SGK1: variants seen among roughly 807,000 people sequenced by gnomAD.
SGK1 encodes the protein serum/glucocorticoid regulated kinase 1, also known as serine/threonine-protein kinase Sgk1.
Under a neutral mutation model 64.2 loss-of-function variants are expected in SGK1, and 26 were observed. The ratio of observed to expected loss-of-function variants is 0.40; its 90% confidence interval spans 0.30 to 0.56. SGK1 has a LOEUF of 0.56. Ranked by LOEUF, SGK1 falls within the 20% of genes least tolerant of loss-of-function variation. SGK1 has a pLI of 0.38. For synonymous variants in SGK1, 265 were observed against 239.7 expected, an observed-to-expected ratio of 1.11 and a Z score of -0.98; for missense variants, 519 against 645.6, an observed-to-expected ratio of 0.80 and a Z score of 2.12.
intron 3 of SGK1, among the ~76,000 whole-genome samples, chr6:134,180,606 C>G (rs967881147): frequency 1.3e-5 from 2 of 152,050 alleles, no homozygotes; most frequent in Admixed American, 6.6e-5. Context: ...GGTGCAGGGG[C>G]TCACACCTCT....
At chr6:134,186,893 T>C (rs949809045) in intron 3 of SGK1, among the ~76,000 whole-genome samples, 1 of 151,724 alleles carries the variant, frequency 6.6e-6, no homozygotes, top group Non-Finnish European at 1.5e-5. Flanking sequence ...CTCGGCTTGC[T>C]GCAACCTCTG....
At position 134,203,335 on chromosome 6, in the gene SGK1, G is replaced by A. The variant is rs567707674; in HGVS notation, c.361+4021C>T. On this transcript the variant is annotated intron_variant, in intron 3 of 13. Coordinates refer to ENST00000367858, the MANE Select transcript of SGK1 (RefSeq NM_001143676.3). ...AAGAGGATAACTAGAAAGTCAACAGGTAAATTAATATTAAATTCTAAAACC... is the reference window on the plus strand; with the variant it reads ...AAGAGGATAACTAGAAAGTCAACAGATAAATTAATATTAAATTCTAAAACC... Among the ~76,000 whole-genome samples, 3 of 152,274 alleles carry A rather than the reference G, an allele frequency of 2.0e-5. No individual in the cohort carries two copies. The South Asian group carries it at 6.2e-4, about 32-fold the overall frequency.
chr6:134,289,977 C>T (rs559788061), intron 1 of SGK1, among the ~76,000 whole-genome samples: 1 of 151,886 alleles, frequency 6.6e-6, no homozygotes. Context: ...GGTGAAACCC[C>T]ATCTCTACTA....
At chr6:134,213,188 T>C (rs1775919608) in intron 2 of SGK1, among the ~76,000 whole-genome samples, 1 of 152,146 alleles carries the variant, frequency 6.6e-6, no homozygotes, top group Non-Finnish European at 1.5e-5. Flanking sequence ...ATAACTCCTA[T>C]AGCTTTAGGT....
At chr6:134,220,058 C>CAAAAAAAAAAAAAAAAAAAAAAAAAAAAA (rs55870107) in intron 2 of SGK1, among the ~76,000 whole-genome samples, 1 of 61,380 alleles carries the variant, frequency 1.6e-5, no homozygotes, top group Non-Finnish European at 2.5e-5. Context: ...GACTCCGTCT[C>CAAAAAAAAAAAAAAAAAAAAAAAAAAAAA]AAAAAAAAAA....
Position 134,173,011 on chromosome 6 carries a change from C to G in SGK1, c.834+12G>C, listed in dbSNP as rs1234266535. 6.2e-7 allele frequency: 1 copy of G among 1,603,800 alleles called. No homozygotes were observed. The highest frequency in any genetic ancestry group is 8.5e-7 in the Non-Finnish European group (1 of 1,173,430). On this transcript the variant is annotated intron_variant, in intron 8 of 13. Coordinates refer to ENST00000367858, the MANE Select transcript of SGK1 (RefSeq NM_001143676.3). ...GAGACACTAAGAGTTGACTTCTATC[C>G]CCCCTGCTCACCTCTCCACCATTAA...
chr6:134,315,420 A>G (rs1330310711), intron 1 of SGK1, among the ~76,000 whole-genome samples: 2 of 152,246 alleles, frequency 1.3e-5, no homozygotes, highest in African/African-American at 4.8e-5. Flanking sequence ...ATGTACTCAG[A>G]TAAGACATCA....
chr6:134,306,348 G>T (rs1465683532), intron 1 of SGK1, among the ~76,000 whole-genome samples: 1 of 151,854 alleles, frequency 6.6e-6, no homozygotes, highest in Non-Finnish European at 1.5e-5. Context: ...GCTTGAACCC[G>T]GGAGGCGGAG....
intron 2 of SGK1, 35 bp from the exon 3 acceptor site, chr6:134,207,466 A>T: frequency 6.9e-7 from 1 of 1,450,904 alleles, no homozygotes; most frequent in African/African-American, 1.4e-5. Flanking sequence ...GTGATATAAA[A>T]ATGGCTTCAT....
intron 3 of SGK1, among the ~76,000 whole-genome samples, chr6:134,198,999 C>T (rs1442719283): frequency 6.6e-6 from 1 of 152,158 alleles, no homozygotes; most frequent in Non-Finnish European, 1.5e-5. Flanking sequence ...CATCCTTCTG[C>T]CTCATCTTCC....
rs146848028 is a variant in SGK1 at position 134,237,910 on chromosome 6, G to A, written c.285+24023C>T. ...ATAGGATTTAAATTAGAATAAACTT[G>A]TCCTTGAGAATAATATACTCTAAAT... On this transcript the variant is annotated intron_variant, in intron 2 of 13. Coordinates refer to ENST00000367858, the MANE Select transcript of SGK1 (RefSeq NM_001143676.3). Among the ~76,000 whole-genome samples, 126 of 152,242 alleles carry A rather than the reference G, an allele frequency of 8.3e-4. 2 individuals are homozygous for A. The East Asian group carries it at 0.023, about 28-fold the overall frequency.
chr6:134,178,747 C>A (rs1775287582), intron 3 of SGK1, among the ~76,000 whole-genome samples: 1 of 152,210 alleles, frequency 6.6e-6, no homozygotes, highest in African/African-American at 2.4e-5. Flanking sequence ...CAGGGAATTT[C>A]TCTACAACAC....
At chr6:134,238,538 G>A (rs1776396898) in intron 2 of SGK1, among the ~76,000 whole-genome samples, 1 of 151,682 alleles carries the variant, frequency 6.6e-6, no homozygotes, top group South Asian at 2.1e-4. Flanking sequence ...TTTTTAATTG[G>A]AACTAAAGAA....
intron 1 of SGK1, among the ~76,000 whole-genome samples, chr6:134,315,467 C>A (rs1397062551): frequency 3.9e-5 from 6 of 152,154 alleles, no homozygotes; most frequent in Non-Finnish European, 7.3e-5. Context: ...TCAAGGTCTG[C>A]AGAGTCACCA....
At chr6:134,171,893 C>T (rs1775039419) in intron 10 of SGK1, 161 bp from the exon 11 acceptor site, 1 of 629,726 alleles carries the variant, frequency 1.6e-6, no homozygotes, top group East Asian at 2.7e-5. Flanking sequence ...TTGAGGGTGA[C>T]TGGCTACCTA....
At chr6:134,191,286 CA>C (rs888601149) in intron 3 of SGK1, among the ~76,000 whole-genome samples, 2 of 152,044 alleles carry the variant, frequency 1.3e-5, no homozygotes, top group African/African-American at 2.4e-5. Flanking sequence ...TTACCAAGGG[CA>C]AAAAAATCTT....
rs765461666 is a variant in SGK1 at position 134,207,358 on chromosome 6, G to T, written c.359C>A (p.Pro120Gln). The change falls in exon 3 of 14, where the codon CCA becomes CAA. Residue 120 changes from proline to glutamine, a missense_variant and splice_region_variant. Physicochemically the swap from Pro to Gln is moderately conservative, Grantham distance 76. Coordinates refer to ENST00000367858, the MANE Select transcript of SGK1 (RefSeq NM_001143676.3). ...AGGTTGTATTTTTCCAATAATACCT[G>T]GATCATCATTAGTCCAGAAGGTTCT... ...DPRTFWTNDD[P>Q]AFMKQRRMGL... 2.5e-6 allele frequency: 4 copies of T among 1,600,634 alleles called. No homozygotes were observed. Among genetic ancestry groups the T allele is most frequent in the Non-Finnish European group, 3.4e-6 (4 of 1,168,260 alleles).
intron 1 of SGK1, among the ~76,000 whole-genome samples, chr6:134,315,466 G>A (rs1470490347): frequency 6.6e-6 from 1 of 152,174 alleles, no homozygotes; most frequent in African/African-American, 2.4e-5. Flanking sequence ...TTCAAGGTCT[G>A]CAGAGTCACC....
rs1341135777 is a variant in SGK1, at chr6:134,271,309, C to T, written c.70-9161G>A. Among the ~76,000 whole-genome samples, 3 of 114,904 alleles carry T rather than the reference C, an allele frequency of 2.6e-5. 1 individual carries two copies. The highest frequency in any genetic ancestry group is 5.5e-4 in the East Asian group (2 of 3,640). 75.4% of individuals were successfully genotyped at this position (114,904 alleles called of 152,430 possible). On this transcript the variant is annotated intron_variant, in intron 1 of 13. Transcript: ENST00000367858. ...ACTCCAGTCTGCAGAGTGAAACTGT[C>T]TCAAAAAAAAAAAAAAATTGTGGGA...
Sources: allele counts gnomAD v4.1 joint callset (sites outside exome capture counted in the v4.1 genomes callset), GRCh38; gene constraint gnomAD v4.1.1; transcripts MANE v1.5; gene names NCBI Gene and HGNC (gene_info 2026-07-23, HGNC 2026-07-21).